The following PDZRN4 variants were observed in gnomAD, a reference collection of about 807,000 sequenced individuals.
PDZRN4 encodes the protein PDZ domain containing ring finger 4.
In PDZRN4, 70 loss-of-function variants were observed where a neutral mutation model predicts 99.0. That is an observed-to-expected ratio of 0.71 (90% confidence interval 0.58 to 0.86). The LOEUF (loss-of-function observed/expected upper bound fraction) is 0.86, where lower values mean the gene tolerates loss of function less well. Among genes scored for constraint, PDZRN4 ranks in the 40% least tolerant of loss-of-function variants. The probability of loss-of-function intolerance (pLI) is 0.00; values close to 1 mark genes in which losing one functional copy is unlikely to be tolerated. For synonymous variants in PDZRN4, 551 were observed against 501.6 expected (o/e 1.10, Z -1.32); for missense variants, 1,474 against 1,331.2 (o/e 1.11, Z -1.67).
intron 1 of PDZRN4, among the ~76,000 whole-genome samples, chr12:41,189,448 C>A (rs1158039083): frequency 1.3e-5 from 2 of 152,150 alleles, no homozygotes; most frequent in African/African-American, 4.8e-5. Flanking sequence ...ATTTTTTGAG[C>A]ACTTGTCCCG....
intron 3 of PDZRN4, among the ~76,000 whole-genome samples, chr12:41,348,977 T>A (rs1009292197): frequency 1.8e-4 from 27 of 152,068 alleles, no homozygotes; most frequent in African/African-American, 6.3e-4. Flanking sequence ...ATAAATATTT[T>A]ATTCTTGTCA....
intron 3 of PDZRN4, among the ~76,000 whole-genome samples, chr12:41,418,403 C>A (rs1415724284): frequency 6.6e-6 from 1 of 152,056 alleles, no homozygotes; most frequent in Non-Finnish European, 1.5e-5. Context: ...CAAAGGCATT[C>A]CAGTTTACAT....
chr12:41,217,757 T>C (rs560749699), intron 3 of PDZRN4, among the ~76,000 whole-genome samples: 1 of 152,196 alleles, frequency 6.6e-6, no homozygotes, highest in South Asian at 2.1e-4. Context: ...CCTTCCATCC[T>C]TGGCCTGCTT....
intron 3 of PDZRN4, among the ~76,000 whole-genome samples, chr12:41,416,250 T>C (rs553117403): frequency 6.6e-6 from 1 of 152,348 alleles, no homozygotes; most frequent in East Asian, 1.9e-4. Flanking sequence ...TAAATTTTTA[T>C]TTTAGAGGTA....
At chr12:41,382,388 G>A (rs1158497540) in intron 3 of PDZRN4, among the ~76,000 whole-genome samples, 2 of 152,152 alleles carry the variant, frequency 1.3e-5, no homozygotes, top group Non-Finnish European at 2.9e-5. Context: ...GGCTGACCAA[G>A]GTAACTGATT....
chr12:41,486,973 A>G (rs539096376), intron 3 of PDZRN4, among the ~76,000 whole-genome samples: 2 of 149,302 alleles, frequency 1.3e-5, no homozygotes, highest in African/African-American at 2.5e-5. Flanking sequence ...CTTCATTCCA[A>G]TGTCTAGCAC....
intron 3 of PDZRN4, among the ~76,000 whole-genome samples, chr12:41,459,082 G>C (rs1175205476): frequency 1.3e-5 from 2 of 152,038 alleles, no homozygotes; most frequent in Admixed American, 1.3e-4. Context: ...AGAAGAATGG[G>C]TGCCAAAATT....
chr12:41,512,675 A>G (rs1192678279), intron 5 of PDZRN4, among the ~76,000 whole-genome samples: 1 of 152,014 alleles, frequency 6.6e-6, no homozygotes. Context: ...TAACAGGATT[A>G]CTCCAGCTGC....
Position 41,405,956 on chromosome 12 carries a change from G to C in PDZRN4, c.844-100500G>C, listed in dbSNP as rs543851537. ...ACACTGCAGAATACTACAGCAGGGT[G>C]GGGGGCAGGGGAAACATGGGTTGAA... On this transcript the variant is annotated intron_variant, in intron 3 of 9. Transcript: ENST00000402685. Among the ~76,000 whole-genome samples the C allele has an allele frequency of 2.6e-5, 4 of 152,116 alleles. 1 individual carries two copies. In the South Asian group the frequency reaches 8.3e-4, roughly 32 times the overall value.
chr12:41,473,001 G>A (rs1953007640), intron 3 of PDZRN4, among the ~76,000 whole-genome samples: 1 of 152,096 alleles, frequency 6.6e-6, no homozygotes, highest in Non-Finnish European at 1.5e-5. Flanking sequence ...GCCAGTAAGT[G>A]GATAGAATGC....
chr12:41,503,900 C>T lies in PDZRN4; in HGVS notation c.844-2556C>T, dbSNP rs116855939. Among the ~76,000 whole-genome samples the T allele has an allele frequency of 2.0e-3, 305 of 152,262 alleles. No individual in the cohort carries two copies. In the Middle Eastern group the frequency reaches 0.031, roughly 15 times the overall value. On this transcript the variant is annotated intron_variant, in intron 3 of 9. Coordinates refer to ENST00000402685, the MANE Select transcript of PDZRN4 (RefSeq NM_001164595.2). ...AAAAAAATGGTCTTATTTCACTCTACCACTATTAGGGATTCCTCTTGATGC... is the reference window on the plus strand; with the variant it reads ...AAAAAAATGGTCTTATTTCACTCTATCACTATTAGGGATTCCTCTTGATGC...
chr12:41,282,224 A>C (rs1463526438), intron 3 of PDZRN4, among the ~76,000 whole-genome samples: 2 of 152,218 alleles, frequency 1.3e-5, no homozygotes, highest in Non-Finnish European at 2.9e-5. Flanking sequence ...TTGCAATACT[A>C]GTCTCTGATA....
chr12:41,451,870 A>G (rs879308966), intron 3 of PDZRN4, among the ~76,000 whole-genome samples: 4 of 152,122 alleles, frequency 2.6e-5, no homozygotes, highest in East Asian at 3.9e-4. Flanking sequence ...CTCATCTTCT[A>G]CTACAACCAG....
chr12:41,356,916 A>G (rs1951931895), intron 3 of PDZRN4, among the ~76,000 whole-genome samples: 2 of 152,008 alleles, frequency 1.3e-5, no homozygotes, highest in South Asian at 4.1e-4. Context: ...TTTAAGATTC[A>G]TTTCAAGTAC....
chr12:41,560,293 A>C (rs1939247948), intron 7 of PDZRN4, among the ~76,000 whole-genome samples: 1 of 152,176 alleles, frequency 6.6e-6, no homozygotes, highest in Non-Finnish European at 1.5e-5. Context: ...AAAAACCTAG[A>C]TATTGGTATA....
chr12:41,530,677 G>C (rs79798706), intron 5 of PDZRN4, among the ~76,000 whole-genome samples: 2,961 of 152,252 alleles, frequency 0.019, 84 homozygotes, highest in African/African-American at 0.064. Flanking sequence ...TAAGAAGTTA[G>C]TGCTTGAGCA....
chr12:41,345,993 AG>A (rs1410915988), intron 3 of PDZRN4, among the ~76,000 whole-genome samples: 3 of 152,036 alleles, frequency 2.0e-5, no homozygotes, highest in Non-Finnish European at 4.4e-5. Context: ...TGTTTACTGG[AG>A]GATATTCAGT....
intron 3 of PDZRN4, chr12:41,437,841 G>A: frequency 9.4e-6 from 15 of 1,602,204 alleles, no homozygotes; most frequent in Non-Finnish European, 1.3e-5. Context: ...TGAAGTGACT[G>A]ATGAAAAACA....
intron 3 of PDZRN4, among the ~76,000 whole-genome samples, chr12:41,222,574 A>G (rs1195738534): frequency 6.6e-6 from 1 of 152,146 alleles, no homozygotes; most frequent in Non-Finnish European, 1.5e-5. Context: ...GCTGGAGTGC[A>G]GTGGTGCAAG....
Sources: allele counts gnomAD v4.1 joint callset (sites outside exome capture counted in the v4.1 genomes callset), GRCh38; gene constraint gnomAD v4.1.1; transcripts MANE v1.5; gene names NCBI Gene and HGNC (gene_info 2026-07-23, HGNC 2026-07-21).